Variants in ZNF254 observed in about 807,000 individuals in gnomAD.
ZNF254 encodes zinc finger protein 254.
Under a neutral mutation model 12.4 loss-of-function variants are expected in ZNF254, and 10 were observed. The observed-to-expected ratio is 0.80, with a 90% CI of 0.50 to 1.36. The LOEUF (loss-of-function observed/expected upper bound fraction) is 1.36. Among genes scored for constraint, ZNF254 ranks in the 40% most tolerant of loss-of-function variants. The probability of loss-of-function intolerance (pLI) is 0.00; values close to 1 mark genes in which losing one functional copy is unlikely to be tolerated. For missense variants in ZNF254, 996 were observed against 763.9 expected (o/e 1.30, Z -3.58); for synonymous variants, 305 against 253.4 (o/e 1.20, Z -1.93).
At chr19:24,106,940 A>C in intron 3 of ZNF254, 1 of 418,696 alleles carries the variant, frequency 2.4e-6, no homozygotes, top group Non-Finnish European at 4.2e-6. Flanking sequence ...TTTTGTGGAC[A>C]GACAGATCTG....
At chr19:24,107,551 G>A (rs1463871251) in intron 3 of ZNF254, among the ~76,000 whole-genome samples, 3 of 151,736 alleles carry the variant, frequency 2.0e-5, no homozygotes, top group African/African-American at 7.3e-5. Flanking sequence ...TTAACTGAGT[G>A]TATTCATTAA....
intron 1 of ZNF254, among the ~76,000 whole-genome samples, chr19:24,090,193 A>C (rs189381078): frequency 1.9e-3 from 288 of 152,072 alleles, no homozygotes; most frequent in African/African-American, 6.2e-3. Context: ...GTGAGACTCC[A>C]TTTCAAAAAC....
In ZNF254 at chr19:24,126,635, G is replaced by A. The variant is rs140211410; in HGVS notation, c.635G>A (p.Cys212Tyr). ...SIYHREKSYKCKECGKTFNWS... is the reference protein window; with the variant it reads ...SIYHREKSYKYKECGKTFNWS... ...TATCATAGAGAGAAGTCCTACAAAT[G>A]TAAAGAATGTGGAAAAACCTTTAAT... The change falls in exon 4 of 4, where the codon TGT becomes TAT. Residue 212 changes from cysteine to tyrosine, a missense_variant. Transcript: ENST00000357002. 6.9e-5 allele frequency: 111 copies of A among 1,610,968 alleles called. No individual in the cohort carries two copies. The highest frequency in any genetic ancestry group is 9.2e-5 in the Non-Finnish European group (108 of 1,179,150).
At chr19:24,098,418 T>G (rs1322604822) in intron 1 of ZNF254, 1 of 152,248 alleles carries the variant, frequency 6.6e-6, no homozygotes, top group Non-Finnish European at 1.5e-5. Context: ...CATATTTTAA[T>G]TTTTTATCAA....
intron 1 of ZNF254, among the ~76,000 whole-genome samples, chr19:24,095,506 GTC>G (rs1395874239): frequency 1.3e-5 from 2 of 152,130 alleles, no homozygotes; most frequent in Non-Finnish European, 2.9e-5. Context: ...CTGTGAATCT[GTC>G]TGGTCCTTGG....
intron 2 of ZNF254, chr19:24,080,213 A>G (rs138388356): frequency 1.3e-5 from 2 of 152,282 alleles, no homozygotes; most frequent in African/African-American, 4.8e-5. Flanking sequence ...CTTGGTTGCA[A>G]CCTTAAGCTA....
chr19:24,089,753 A>C (rs1972254012), intron 1 of ZNF254, among the ~76,000 whole-genome samples: 3 of 151,934 alleles, frequency 2.0e-5, no homozygotes, highest in Non-Finnish European at 2.9e-5. Context: ...TCTTCACCCA[A>C]CCCAGCTTTC....
intron 1 of ZNF254, among the ~76,000 whole-genome samples, chr19:24,096,055 A>G (rs924355282): frequency 7.6e-6 from 1 of 132,312 alleles, no homozygotes; most frequent in African/African-American, 2.8e-5. Context: ...GTTGTTTTTT[A>G]GTTCTTTTTT....
chr19:24,090,943 A>ATTTTT (rs869068959), intron 1 of ZNF254, among the ~76,000 whole-genome samples: 66 of 89,628 alleles, frequency 7.4e-4, no homozygotes, highest in African/African-American at 9.0e-4. Context: ...TGGAGGAGTG[A>ATTTTT]TTTTTTTTTT....
intron 2 of ZNF254, among the ~76,000 whole-genome samples, chr19:24,047,674 CT>C (rs1363535035): frequency 9.5e-6 from 1 of 104,802 alleles, no homozygotes; most frequent in African/African-American, 3.6e-5. Flanking sequence ...CTACATTTTT[CT>C]TTTTTTCTTT....
Position 24,127,209 on chromosome 19 carries a change from G to C in ZNF254, c.1209G>C (p.Glu403Asp). The C allele has an allele frequency of 6.2e-7, 1 of 1,613,152 alleles. No homozygotes were observed. Among genetic ancestry groups the C allele is most frequent in the Non-Finnish European group, 8.5e-7 (1 of 1,179,560 alleles). ...CACATAAAATAATTCATGTTGGAGA[G>C]AAACTCTACAAATGTGAAGAATGCG... is the stretch of plus-strand genomic sequence containing the variant. ...LTTHKIIHVG[E>D]KLYKCEECGK... The change falls in exon 4 of 4, where the codon GAG becomes GAC. Residue 403 changes from glutamate (E) to aspartate (D), a missense_variant. Physicochemically the swap from Glu to Asp is conservative, Grantham distance 45. Transcript: ENST00000357002.
At chr19:24,115,426 C>G (rs1334619375) in intron 3 of ZNF254, among the ~76,000 whole-genome samples, 1 of 148,082 alleles carries the variant, frequency 6.8e-6, no homozygotes, top group Non-Finnish European at 1.5e-5. Context: ...ATCGCAAGAA[C>G]AAAAAACCAA....
At chr19:24,122,853 G>A (rs1974579900) in intron 3 of ZNF254, among the ~76,000 whole-genome samples, 1 of 143,428 alleles carries the variant, frequency 7.0e-6, no homozygotes, top group Non-Finnish European at 1.5e-5. Flanking sequence ...CCATGTATGT[G>A]AAAGTTTATA....
chr19:24,119,913 T>C (rs780678552), intron 3 of ZNF254, among the ~76,000 whole-genome samples: 1 of 152,160 alleles, frequency 6.6e-6, no homozygotes, highest in Non-Finnish European at 1.5e-5. Flanking sequence ...AATTGTGTAG[T>C]GACATGCTTC....
chr19:24,105,817 G>T, intron 1 of ZNF254, 123 bp from the exon 2 acceptor site: 1 of 1,420,380 alleles, frequency 7.0e-7, no homozygotes, highest in Non-Finnish European at 9.4e-7. Flanking sequence ...TATTTTATTG[G>T]ATAATTTCAA....
At chr19:24,100,683 T>TC (rs1491148585) in intron 1 of ZNF254, among the ~76,000 whole-genome samples, 4 of 55,448 alleles carry the variant, frequency 7.2e-5, no homozygotes, top group Non-Finnish European at 1.2e-4. Flanking sequence ...TCTCTCTCTC[T>TC]TTTTTTTTTT....
chr19:24,126,350 A>C lies in ZNF254; in HGVS notation c.350A>C (p.His117Pro). Residue 117 changes from histidine (H) to proline (P), a missense_variant, in exon 4 of 4, where the codon CAT becomes CCT. By Grantham distance (77) the His-to-Pro change is moderately conservative. Transcript: ENST00000357002. The part of the protein sequence containing the change: ...AILRRYGKYG[H>P]ENLQLRKGCK... ...CTGAGAAGATATGGAAAATATGGAC[A>C]TGAGAATTTACAGTTAAGAAAAGGC... The C allele has an allele frequency of 6.2e-7, 1 of 1,609,654 alleles. No individual in the cohort carries two copies. Among genetic ancestry groups the C allele is most frequent in the Non-Finnish European group, 8.5e-7 (1 of 1,178,176 alleles).
rs776101985 is a variant in ZNF254, at chr19:24,126,433, T to A, written c.433T>A (p.Cys145Ser). ...AGAAGGTTATAATGGACTTAACCAG[T>A]GTTTCACAACTGCCCAGAGCAAAGT... Reference protein sequence around the residue: ...NKEGYNGLNQCFTTAQSKVFQ... With the variant: ...NKEGYNGLNQSFTTAQSKVFQ... Residue 145 changes from cysteine to serine, a missense_variant, in exon 4 of 4, where the codon TGT (cysteine) becomes AGT (serine). By Grantham distance (112) the Cys-to-Ser change is moderately radical (BLOSUM62 -1). Transcript: ENST00000357002. The A allele has an allele frequency of 4.4e-6, 7 of 1,599,164 alleles. No individual in the cohort carries two copies. In the South Asian group the frequency reaches 6.8e-5, roughly 16 times the overall value.
At chr19:24,071,196 G>C (rs1344792119) in intron 2 of ZNF254, among the ~76,000 whole-genome samples, 1 of 152,090 alleles carries the variant, frequency 6.6e-6, no homozygotes, top group Non-Finnish European at 1.5e-5. Flanking sequence ...AAGAGACATT[G>C]TAACATATCT....
Sources: allele counts gnomAD v4.1 joint callset (sites outside exome capture counted in the v4.1 genomes callset), GRCh38; gene constraint gnomAD v4.1.1; transcripts MANE v1.5; gene names NCBI Gene and HGNC (gene_info 2026-07-23, HGNC 2026-07-21).